ENAH: variants seen among roughly 807,000 people sequenced by gnomAD.
ENAH encodes the protein protein enabled homolog.
Under a neutral mutation model 78.7 loss-of-function variants are expected in ENAH, and 23 were observed. That is an observed-to-expected ratio of 0.29 (90% CI 0.21 to 0.41). The LOEUF (loss-of-function observed/expected upper bound fraction) is 0.41. ENAH is among the 10% of genes least tolerant of loss of function. The pLI is 1.00. For missense variants in ENAH, 544 were observed against 691.0 expected (o/e 0.79, Z 2.39); for synonymous variants, 226 against 241.0 (o/e 0.94, Z 0.58).
At chr1:225,593,160 C>A (rs553218521) in intron 1 of ENAH, among the ~76,000 whole-genome samples, 31 of 152,200 alleles carry the variant, frequency 2.0e-4, no homozygotes, top group African/African-American at 7.0e-4. Context: ...GACCTTCCCC[C>A]CACACACAGA....
At chr1:225,596,166 A>G (rs1201153973) in intron 1 of ENAH, among the ~76,000 whole-genome samples, 3 of 152,216 alleles carry the variant, frequency 2.0e-5, no homozygotes, top group Admixed American at 2.0e-4. Flanking sequence ...TGATATCTTT[A>G]ATACTCTACC....
At chr1:225,524,158 C>G (rs2096489116) in intron 4 of ENAH, among the ~76,000 whole-genome samples, 1 of 152,154 alleles carries the variant, frequency 6.6e-6, no homozygotes, top group Non-Finnish European at 1.5e-5. Context: ...CTCTCCAAAA[C>G]AGCTATCCCC....
At chr1:225,556,312 T>C (rs750703679) in intron 2 of ENAH, among the ~76,000 whole-genome samples, 20 of 152,216 alleles carry the variant, frequency 1.3e-4, no homozygotes, top group Non-Finnish European at 2.4e-4. Flanking sequence ...TTCTAGTAAT[T>C]TACATTTCCA....
intron 2 of ENAH, among the ~76,000 whole-genome samples, chr1:225,558,735 G>A (rs374996080): frequency 3.0e-4 from 42 of 137,762 alleles, no homozygotes; most frequent in South Asian, 7.2e-4. Context: ...CCAGGTTCAC[G>A]CCATTCTCCT....
In ENAH at chr1:225,558,627, C is replaced by CTTTTTTTTTTTTTTTTT. The variant is rs71170091; in HGVS notation, c.172-3561_172-3545dup. 1.3e-4 allele frequency among the ~76,000 whole-genome samples: 9 copies of CTTTTTTTTTTTTTTTTT among 69,246 alleles called. 1 individual carries two copies. Among genetic ancestry groups the CTTTTTTTTTTTTTTTTT allele is most frequent in the Non-Finnish European group, 1.3e-4 (5 of 39,872 alleles). 45.4% of individuals were successfully genotyped at this position (69,246 alleles called of 152,430 possible). A position where few individuals can be genotyped will look rare whatever the true frequency, so the allele number is the denominator to read the frequency against. On this transcript the variant is annotated intron_variant, in intron 2 of 13. Coordinates refer to ENST00000366843, the MANE Select transcript of ENAH (RefSeq NM_018212.6). The stretch of plus-strand genomic sequence containing the variant: ...TGCTTTCTACTGCATTAATTTCTGC[C>CTTTTTTTTTTTTTTTTT]TTTTTTTTTTTTTTTTTTTTTTTTG...
intron 3 of ENAH, among the ~76,000 whole-genome samples, chr1:225,539,446 T>C (rs1003353868): frequency 1.2e-4 from 18 of 152,224 alleles, no homozygotes; most frequent in African/African-American, 4.3e-4. Context: ...AACACACATG[T>C]ATGAGGGGAT....
intron 11 of ENAH, among the ~76,000 whole-genome samples, chr1:225,507,399 A>G (rs1035778161): frequency 1.1e-4 from 16 of 152,048 alleles, no homozygotes; most frequent in Non-Finnish European, 8.8e-5. Flanking sequence ...ATGTGACTAT[A>G]TACTATAGTA....
At chr1:225,611,141 G>A (rs1473154063) in intron 1 of ENAH, among the ~76,000 whole-genome samples, 7 of 152,060 alleles carry the variant, frequency 4.6e-5, no homozygotes, top group Non-Finnish European at 1.0e-4. Flanking sequence ...TTGGTGCTAT[G>A]TGCCCTTTTC....
Position 225,514,768 on chromosome 1 carries a change from G to C in ENAH, c.1046C>G (p.Pro349Arg). The C allele has an allele frequency of 2.7e-6, 4 of 1,469,580 alleles. No homozygotes were observed. The highest frequency in any genetic ancestry group is 3.7e-6 in the Non-Finnish European group (4 of 1,088,610). The allele number at this position is 1,469,580 out of a possible 1,614,324, so 91.0% of individuals were successfully genotyped here. A position where few individuals can be genotyped will look rare whatever the true frequency, so the allele number is the denominator to read the frequency against. The change falls in exon 7 of 14, where the codon CCG becomes CGG. Residue 349 changes from proline to arginine, a missense_variant. By Grantham distance (103) the Pro-to-Arg change is moderately radical (BLOSUM62 -2). Around this residue, in one of 4 missense-constraint regions of ENAH, gnomAD observed 366 missense variants for 396.1 expected, o/e 0.92. Transcript: ENST00000366843. ...AGGGAGAGGAGGGGGAGGAGGGGGC[G>C]GTGGAGGCCCGGTGGATGGGAGTGG... The part of the protein sequence containing the change: ...PPPLPSTGPP[P>R]PPPPPPLPNQ...
At chr1:225,606,129 A>G (rs2096954386) in intron 1 of ENAH, among the ~76,000 whole-genome samples, 1 of 152,096 alleles carries the variant, frequency 6.6e-6, no homozygotes, top group Non-Finnish European at 1.5e-5. Flanking sequence ...GTTATATTAG[A>G]CCATTAAAAA....
At chr1:225,532,522 G>A in intron 3 of ENAH, among the ~76,000 whole-genome samples, 1 of 151,844 alleles carries the variant, frequency 6.6e-6, no homozygotes, top group East Asian at 1.9e-4. Flanking sequence ...ATATATCAAA[G>A]GTAATATTAA....
At chr1:225,615,775 C>T (rs1575735078) in intron 1 of ENAH, among the ~76,000 whole-genome samples, 1 of 151,044 alleles carries the variant, frequency 6.6e-6, no homozygotes, top group South Asian at 2.1e-4. Flanking sequence ...CCCGGCCGCC[C>T]CGTCTGAGAA....
At chr1:225,625,568 G>A (rs1226494749) in intron 1 of ENAH, among the ~76,000 whole-genome samples, 1 of 152,096 alleles carries the variant, frequency 6.6e-6, no homozygotes, top group Non-Finnish European at 1.5e-5. Flanking sequence ...TGTTGCCCAG[G>A]CTGCAGTGTA....
chr1:225,505,761 T>C (rs558937706), intron 11 of ENAH, among the ~76,000 whole-genome samples: 3 of 152,332 alleles, frequency 2.0e-5, no homozygotes, highest in Non-Finnish European at 4.4e-5. Flanking sequence ...TTAAAACCTA[T>C]ATATCAGTAG....
chr1:225,593,054 T>G lies in ENAH; in HGVS notation c.6-25640A>C, dbSNP rs903758306. 7.9e-5 allele frequency among the ~76,000 whole-genome samples: 12 copies of G among 152,276 alleles called. No homozygotes were observed. In the Middle Eastern group the frequency reaches 0.01, roughly 129 times the overall value. On this transcript the variant is annotated intron_variant, in intron 1 of 13. Transcript: ENST00000366843. Reference sequence around the variant, plus strand: ...ATATCAAACGAAGTTCAAAATAGTTTAGTTCCAAGGACTAGACTAGCTATA... The same window carrying G: ...ATATCAAACGAAGTTCAAAATAGTTGAGTTCCAAGGACTAGACTAGCTATA...
intron 1 of ENAH, among the ~76,000 whole-genome samples, chr1:225,644,721 G>A (rs909399267): frequency 2.6e-5 from 4 of 152,122 alleles, no homozygotes; most frequent in African/African-American, 9.7e-5. Context: ...ACAGTTAAAG[G>A]TAGTCATTTT....
At chr1:225,543,650 A>G (rs2096599844) in intron 3 of ENAH, among the ~76,000 whole-genome samples, 1 of 152,212 alleles carries the variant, frequency 6.6e-6, no homozygotes, top group African/African-American at 2.4e-5. Flanking sequence ...CCTCCTTAAG[A>G]CCAAAAATTT....
At chr1:225,521,132 A>G (rs1210738821) in intron 4 of ENAH, among the ~76,000 whole-genome samples, 1 of 152,098 alleles carries the variant, frequency 6.6e-6, no homozygotes, top group Non-Finnish European at 1.5e-5. Context: ...ATAATATTCG[A>G]TTATTTTGCT....
chr1:225,526,177 T>TC (rs2096503152), intron 4 of ENAH, among the ~76,000 whole-genome samples: 1 of 152,028 alleles, frequency 6.6e-6, no homozygotes, highest in African/African-American at 2.4e-5. Flanking sequence ...TCCTTCCCAC[T>TC]CCCCCAGAAC....
Sources: allele counts gnomAD v4.1 joint callset (sites outside exome capture counted in the v4.1 genomes callset), GRCh38; gene constraint gnomAD v4.1.1; regional missense constraint gnomAD v4.1.1; transcripts MANE v1.5; gene names NCBI Gene and HGNC (gene_info 2026-07-23, HGNC 2026-07-21).